Variants in RBFOX1 observed in about 807,000 individuals in gnomAD.
The protein encoded by RBFOX1 is RNA binding fox-1 homolog 1.
A neutral mutation model predicts 57.7 loss-of-function variants in RBFOX1; 8 were observed. The ratio of observed to expected loss-of-function variants is 0.14; its 90% confidence interval spans 0.08 to 0.25. RBFOX1 has a LOEUF of 0.25. RBFOX1 is among the 10% of genes least tolerant of loss of function. RBFOX1 has a pLI of 1.00. For missense variants in RBFOX1, 611 were observed against 548.5 expected (o/e 1.11, Z -1.14); for synonymous variants, 326 against 222.4 (o/e 1.47, Z -4.15).
At chr16:5,570,163 C>G (rs2046229529) in intron 2 of RBFOX1, among the ~76,000 whole-genome samples, 1 of 152,090 alleles carries the variant, frequency 6.6e-6, no homozygotes, top group Non-Finnish European at 1.5e-5. Flanking sequence ...TTGGTTCTTC[C>G]TTATGTGCTC....
At chr16:7,023,564 TAAAAAAAAAAAAAAAA>T (rs34056673) in intron 3 of RBFOX1, among the ~76,000 whole-genome samples, 2 of 43,916 alleles carry the variant, frequency 4.6e-5, no homozygotes, top group Admixed American at 3.4e-4. Context: ...TCGTCTGTAC[TAAAAAAAAAAAAAAAA>T]AAAAAAAAAA....
intron 4 of RBFOX1, among the ~76,000 whole-genome samples, chr16:5,879,943 G>C (rs1293609860): frequency 6.6e-6 from 1 of 152,214 alleles, no homozygotes; most frequent in Non-Finnish European, 1.5e-5. Context: ...CAGTCCGCCA[G>C]CTAGAACGTA....
chr16:7,107,678 T>C (rs1482817383), intron 4 of RBFOX1, among the ~76,000 whole-genome samples: 1 of 152,106 alleles, frequency 6.6e-6, no homozygotes, highest in Non-Finnish European at 1.5e-5. Context: ...ACTTTCTATT[T>C]CTACACACTA....
chr16:7,350,589 T>A (rs886432429), intron 4 of RBFOX1, among the ~76,000 whole-genome samples: 2 of 152,156 alleles, frequency 1.3e-5, no homozygotes, highest in African/African-American at 4.8e-5. Flanking sequence ...TAATCTTTAG[T>A]GGGACAAGAT....
chr16:5,655,824 C>T (rs1183713988), intron 3 of RBFOX1, among the ~76,000 whole-genome samples: 1 of 152,214 alleles, frequency 6.6e-6, no homozygotes, highest in East Asian at 1.9e-4. Flanking sequence ...CTGTTGAAGC[C>T]TCCATTTGAC....
intron 3 of RBFOX1, among the ~76,000 whole-genome samples, chr16:6,973,507 A>C (rs949678748): frequency 1.3e-5 from 2 of 152,138 alleles, no homozygotes; most frequent in African/African-American, 4.8e-5. Context: ...AAATGCTCCT[A>C]TTTCTAGGAG....
At chr16:5,401,089 A>T (rs1193981827) in intron 1 of RBFOX1, among the ~76,000 whole-genome samples, 2 of 152,000 alleles carry the variant, frequency 1.3e-5, no homozygotes, top group Non-Finnish European at 2.9e-5. Context: ...TCATCAATAT[A>T]TCTCAGGCTT....
chr16:5,734,929 G>C (rs529903242), intron 3 of RBFOX1, among the ~76,000 whole-genome samples: 92 of 152,238 alleles, frequency 6.0e-4, no homozygotes, highest in African/African-American at 2.1e-3. Flanking sequence ...CTAGCACAGG[G>C]TTTGGCATAT....
chr16:6,954,451 C>G (rs1598286127), intron 3 of RBFOX1, among the ~76,000 whole-genome samples: 2 of 152,066 alleles, frequency 1.3e-5, no homozygotes, highest in South Asian at 4.2e-4. Flanking sequence ...TATAAATTGT[C>G]AAGCAGGAAC....
chr16:6,968,828 T>TG (rs1467330195), intron 3 of RBFOX1, among the ~76,000 whole-genome samples: 1 of 151,988 alleles, frequency 6.6e-6, no homozygotes, highest in African/African-American at 2.4e-5. Flanking sequence ...TTTGTTTTTT[T>TG]TTTTTTAAAG....
intron 3 of RBFOX1, among the ~76,000 whole-genome samples, chr16:5,662,943 C>T (rs536804716): frequency 3.3e-5 from 5 of 152,286 alleles, no homozygotes; most frequent in South Asian, 2.1e-4. Flanking sequence ...ACATAGTAGA[C>T]GCTCAGTGCA....
intron 3 of RBFOX1, among the ~76,000 whole-genome samples, chr16:6,753,551 G>C (rs4786120): frequency 0.14 from 21,843 of 152,046 alleles, 1,694 homozygotes; most frequent in South Asian, 0.24. Context: ...TTGAATATTT[G>C]TTACATCTGT....
chr16:7,316,449 A>G (rs780697029), intron 4 of RBFOX1, among the ~76,000 whole-genome samples: 5 of 152,184 alleles, frequency 3.3e-5, no homozygotes, highest in East Asian at 1.9e-4. Flanking sequence ...TCTGAAGTCA[A>G]TGGTTAATAA....
At chr16:5,949,706 T>C (rs190713520) in intron 4 of RBFOX1, among the ~76,000 whole-genome samples, 1 of 152,158 alleles carries the variant, frequency 6.6e-6, no homozygotes, top group Non-Finnish European at 1.5e-5. Context: ...AGAACAGCAG[T>C]TCTCAAAATA....
At chr16:5,862,817 C>A (rs1036352415) in intron 3 of RBFOX1, among the ~76,000 whole-genome samples, 13 of 152,260 alleles carry the variant, frequency 8.5e-5, no homozygotes, top group South Asian at 2.1e-4. Context: ...AGGGTAGCCC[C>A]ACGCTGTTCA....
At chr16:6,263,618 T>C (rs940713011) in intron 1 of RBFOX1, among the ~76,000 whole-genome samples, 2 of 152,212 alleles carry the variant, frequency 1.3e-5, no homozygotes, top group African/African-American at 2.4e-5. Flanking sequence ...TGTCTCTCTC[T>C]CTCCTTCCTT....
At chr16:6,412,131 TAA>T (rs57126566) in intron 2 of RBFOX1, among the ~76,000 whole-genome samples, 1 of 133,668 alleles carries the variant, frequency 7.5e-6, no homozygotes. Flanking sequence ...AGACTCCATG[TAA>T]AAAAAAAAAA....
At chr16:7,657,651 G>C (rs1433707276) in intron 12 of RBFOX1, among the ~76,000 whole-genome samples, 2 of 152,174 alleles carry the variant, frequency 1.3e-5, no homozygotes, top group East Asian at 3.8e-4. Context: ...TCCATGTCTT[G>C]ATATTTTCTG....
Position 5,837,002 on chromosome 16 carries a change from C to G in RBFOX1, c.319-30301C>G, listed in dbSNP as rs371441863. Among the ~76,000 whole-genome samples the G allele has an allele frequency of 3.9e-5, 6 of 152,294 alleles. No individual in the cohort carries two copies. In the East Asian group the frequency reaches 9.7e-4, roughly 25 times the overall value. On this transcript the variant is annotated intron_variant, in intron 3 of 19. Coordinates refer to the RBFOX1 transcript ENST00000641259. ...AAACTGGGTCATGTGATAGTCTTCC[C>G]TAGAGCCCTTGCGTGGTCCCTGGTC...
Sources: allele counts gnomAD v4.1 joint callset (sites outside exome capture counted in the v4.1 genomes callset), GRCh38; gene constraint gnomAD v4.1.1; transcripts MANE v1.5; gene names NCBI Gene and HGNC (gene_info 2026-07-23, HGNC 2026-07-21).